MSRA: variants seen among roughly 807,000 people sequenced by gnomAD.
The protein encoded by MSRA is methionine sulfoxide reductase A.
A neutral mutation model predicts 31.3 loss-of-function variants in MSRA; 54 were observed. That is an observed-to-expected ratio of 1.73 (90% CI 1.39 to 2.17). MSRA has a LOEUF of 2.17. Among genes scored for constraint, MSRA ranks in the 30% most tolerant of loss-of-function variants. The probability of loss-of-function intolerance (pLI) is 0.00; values close to 1 mark genes in which losing one functional copy is unlikely to be tolerated. For missense variants in MSRA, 507 were observed against 300.9 expected (o/e 1.69, Z -5.07); for synonymous variants, 169 against 116.5 (o/e 1.45, Z -2.90).
chr8:10,226,491 C>T (rs1412471496), intron 2 of MSRA, among the ~76,000 whole-genome samples: 2 of 152,196 alleles, frequency 1.3e-5, no homozygotes, highest in Non-Finnish European at 2.9e-5. Flanking sequence ...TGAGATCATT[C>T]TACTATATTA....
At chr8:10,175,178 T>C (rs1719733368) in intron 1 of MSRA, among the ~76,000 whole-genome samples, 1 of 152,240 alleles carries the variant, frequency 6.6e-6, no homozygotes, top group Middle Eastern at 3.4e-3. Flanking sequence ...CTGGCACTCA[T>C]GAGATGCCAC....
At chr8:10,077,767 C>A (rs1563405877) in intron 1 of MSRA, among the ~76,000 whole-genome samples, 1 of 152,186 alleles carries the variant, frequency 6.6e-6, no homozygotes, top group Non-Finnish European at 1.5e-5. Context: ...TGGAAGCCCT[C>A]AGTGCCACAT....
At chr8:10,224,702 CAG>C (rs1176391950) in intron 2 of MSRA, among the ~76,000 whole-genome samples, 18 of 152,310 alleles carry the variant, frequency 1.2e-4, no homozygotes, top group Admixed American at 4.6e-4. Flanking sequence ...ACCTCCCCAT[CAG>C]AGAGAGACAC....
chr8:10,082,029 C>T (rs1325164290), intron 1 of MSRA, among the ~76,000 whole-genome samples: 4 of 151,922 alleles, frequency 2.6e-5, no homozygotes, highest in Admixed American at 6.6e-5. Flanking sequence ...AAGTGAGACC[C>T]CCAACAGTAC....
At chr8:10,096,173 A>G in intron 1 of MSRA, 1 of 1,251,678 alleles carries the variant, frequency 8.0e-7, no homozygotes, top group Non-Finnish European at 1.0e-6. Context: ...CCATGTGTTT[A>G]AGAAAACGTT....
chr8:10,243,561 T>C (rs1042412682), intron 2 of MSRA, among the ~76,000 whole-genome samples: 4 of 152,154 alleles, frequency 2.6e-5, no homozygotes, highest in Non-Finnish European at 5.9e-5. Flanking sequence ...CAGATTCTTA[T>C]GTTATTTCTT....
chr8:10,073,999 C>T (rs139360247), intron 1 of MSRA, among the ~76,000 whole-genome samples: 4 of 133,282 alleles, frequency 3.0e-5, no homozygotes, highest in East Asian at 4.8e-4. Flanking sequence ...GCTTTCTATA[C>T]GTGACAGTTC....
intron 4 of MSRA, among the ~76,000 whole-genome samples, chr8:10,309,527 G>C (rs1043478021): frequency 2.6e-5 from 4 of 152,164 alleles, no homozygotes; most frequent in Admixed American, 2.6e-4. Context: ...TCCTATTCTT[G>C]GTTCACACCC....
intron 5 of MSRA, among the ~76,000 whole-genome samples, chr8:10,427,867 C>G (rs887809538): frequency 1.3e-5 from 2 of 152,224 alleles, no homozygotes; most frequent in Non-Finnish European, 2.9e-5. Flanking sequence ...GGGCCCCCAA[C>G]ATGCACTTGG....
chr8:10,420,602 C>T (rs998436668), intron 5 of MSRA, among the ~76,000 whole-genome samples: 1 of 152,052 alleles, frequency 6.6e-6, no homozygotes, highest in Non-Finnish European at 1.5e-5. Context: ...CATATGGTCT[C>T]GGATCTGCAG....
At chr8:10,397,329 A>G (rs560741519) in intron 5 of MSRA, among the ~76,000 whole-genome samples, 2 of 152,290 alleles carry the variant, frequency 1.3e-5, no homozygotes, top group East Asian at 3.9e-4. Flanking sequence ...ACTTTGTAGG[A>G]GCTCAGGAAA....
intron 1 of MSRA, among the ~76,000 whole-genome samples, chr8:10,117,706 T>C (rs945010836): frequency 2.6e-5 from 4 of 152,190 alleles, no homozygotes; most frequent in Admixed American, 1.3e-4. Context: ...CATTTCAGGG[T>C]CTTTTTGATA....
intron 3 of MSRA, among the ~76,000 whole-genome samples, chr8:10,291,466 C>A (rs371942329): frequency 2.6e-5 from 4 of 151,888 alleles, no homozygotes; most frequent in Admixed American, 6.5e-5. Flanking sequence ...TCCTCAAATC[C>A]TATAATGAAC....
At chr8:10,059,598 C>T (rs1036490646) in intron 1 of MSRA, among the ~76,000 whole-genome samples, 8 of 152,030 alleles carry the variant, frequency 5.3e-5, no homozygotes, top group Admixed American at 1.3e-4. Context: ...AATCGGAAAA[C>T]GTAAGACTGA....
intron 2 of MSRA, among the ~76,000 whole-genome samples, chr8:10,208,335 C>A (rs1408382898): frequency 1.3e-5 from 2 of 152,076 alleles, no homozygotes; most frequent in African/African-American, 4.8e-5. Flanking sequence ...ATGAATTAAG[C>A]ACGCTCCTTA....
chr8:10,084,264 T>A (rs1450556996), intron 1 of MSRA, among the ~76,000 whole-genome samples: 1 of 152,230 alleles, frequency 6.6e-6, no homozygotes, highest in Non-Finnish European at 1.5e-5. Context: ...GGCCTTAGCC[T>A]CTTTCTTTAA....
At chr8:10,206,937 T>G (rs1160628573) in intron 1 of MSRA, among the ~76,000 whole-genome samples, 1 of 152,196 alleles carries the variant, frequency 6.6e-6, no homozygotes, top group Non-Finnish European at 1.5e-5. Context: ...GCTGAGCCCT[T>G]TGCCTGAACC....
chr8:10,163,178 G>C (rs1170463979), intron 1 of MSRA, among the ~76,000 whole-genome samples: 2 of 152,122 alleles, frequency 1.3e-5, no homozygotes, highest in Non-Finnish European at 2.9e-5. Flanking sequence ...CCTTGATCTT[G>C]GACTTCCAGC....
At chr8:10,120,846 G>C (rs1165737142) in intron 1 of MSRA, among the ~76,000 whole-genome samples, 1 of 152,142 alleles carries the variant, frequency 6.6e-6, no homozygotes, top group African/African-American at 2.4e-5. Context: ...ATTTGGCTGT[G>C]TCTCTGTGCA....
Sources: allele counts gnomAD v4.1 joint callset (sites outside exome capture counted in the v4.1 genomes callset), GRCh38; gene constraint gnomAD v4.1.1; transcripts MANE v1.5; gene names NCBI Gene and HGNC (gene_info 2026-07-23, HGNC 2026-07-21).